The following FRK variants were observed in gnomAD, a reference collection of about 807,000 sequenced individuals.
FRK encodes the protein fyn related Src family tyrosine kinase, also known as tyrosine-protein kinase FRK.
FRK carries 51 observed loss-of-function variants against 56.4 expected under a neutral mutation model. The ratio of observed to expected loss-of-function variants is 0.90; its 90% CI spans 0.72 to 1.14. The LOEUF (loss-of-function observed/expected upper bound fraction) is 1.14, where lower values mean the gene tolerates loss of function less well. FRK is among the 50% of genes most tolerant of loss of function. The pLI, the probability that FRK is intolerant of heterozygous loss-of-function variation, is 0.00. For missense variants in FRK, 570 were observed against 601.4 expected, an observed-to-expected ratio of 0.95 and a Z score of 0.55; for synonymous variants, 245 against 217.9, an observed-to-expected ratio of 1.12 and a Z score of -1.10.
intron 1 of FRK, among the ~76,000 whole-genome samples, chr6:116,050,454 C>T (rs928751697): frequency 3.3e-5 from 5 of 152,052 alleles, no homozygotes; most frequent in Admixed American, 1.3e-4. Flanking sequence ...TAACAATATC[C>T]AAAACAGAGC....
chr6:115,994,031 T>A (rs1774725652), intron 2 of FRK, among the ~76,000 whole-genome samples: 1 of 152,062 alleles, frequency 6.6e-6, no homozygotes, highest in Admixed American at 6.6e-5. Flanking sequence ...TGTCATCTCT[T>A]ATAGTATTCT....
At chr6:116,054,256 AAAAT>A (rs1045702126) in intron 1 of FRK, among the ~76,000 whole-genome samples, 1 of 150,510 alleles carries the variant, frequency 6.6e-6, no homozygotes, top group Non-Finnish European at 1.5e-5. Context: ...CATATGGTGA[AAAAT>A]AAAGGATGGG....
intron 2 of FRK, among the ~76,000 whole-genome samples, chr6:115,991,282 C>T (rs1032975140): frequency 2.6e-5 from 4 of 151,802 alleles, no homozygotes; most frequent in African/African-American, 7.2e-5. Flanking sequence ...TGTCTGATTG[C>T]TCTGGCTACA....
chr6:116,064,278 T>A (rs1057415481), upstream of FRK, among the ~76,000 whole-genome samples: 5 of 152,192 alleles, frequency 3.3e-5, no homozygotes, highest in Admixed American at 6.5e-5. Flanking sequence ...TATGCACCCC[T>A]AAATTCTGGC....
chr6:115,944,564 T>A, intron 5 of FRK, 139 bp from the exon 6 acceptor site: 1 of 578,452 alleles, frequency 1.7e-6, no homozygotes, highest in Non-Finnish European at 2.9e-6. Context: ...AATATATATA[T>A]TTATCATTAA....
chr6:116,016,541 A>T (rs1775661132), intron 1 of FRK, among the ~76,000 whole-genome samples: 1 of 152,084 alleles, frequency 6.6e-6, no homozygotes, highest in African/African-American at 2.4e-5. Context: ...GAATGAGTGG[A>T]TGGATGTGTG....
chr6:115,969,766 A>T (rs1041331845), intron 2 of FRK, among the ~76,000 whole-genome samples: 6 of 152,162 alleles, frequency 3.9e-5, no homozygotes, highest in African/African-American at 1.4e-4. Context: ...CTGAGAAGAG[A>T]AGCAGCCCAG....
chr6:116,072,735 G>A, the FRK span, among the ~76,000 whole-genome samples: 1 of 152,088 alleles, frequency 6.6e-6, no homozygotes, highest in Non-Finnish European at 1.5e-5. Context: ...AATAACCTTT[G>A]TTGTTTTAGG....
the FRK span, among the ~76,000 whole-genome samples, chr6:116,091,450 C>T: frequency 6.6e-6 from 1 of 152,142 alleles, no homozygotes; most frequent in Admixed American, 6.5e-5. Context: ...TCTGCTCGCT[C>T]TTTGGGTCTG....
intron 1 of FRK, among the ~76,000 whole-genome samples, chr6:116,048,741 A>G (rs1777076715): frequency 6.6e-6 from 1 of 152,062 alleles, no homozygotes; most frequent in Admixed American, 6.6e-5. Context: ...TCTACATCTA[A>G]TTTGTAGTTT....
chr6:116,094,953 G>C, the FRK span, among the ~76,000 whole-genome samples: 3 of 152,248 alleles, frequency 2.0e-5, no homozygotes, highest in Non-Finnish European at 2.9e-5. Flanking sequence ...TCCTTTAAAA[G>C]CCAGGGTAAA....
the FRK span, among the ~76,000 whole-genome samples, chr6:116,092,239 A>T: frequency 6.6e-6 from 1 of 152,208 alleles, no homozygotes; most frequent in Non-Finnish European, 1.5e-5. Context: ...TAGAAGGCCT[A>T]ACAAAAGCTA....
intron 2 of FRK, among the ~76,000 whole-genome samples, chr6:115,976,468 C>T (rs1399974291): frequency 6.6e-6 from 1 of 152,114 alleles, no homozygotes; most frequent in African/African-American, 2.4e-5. Flanking sequence ...CAAGTCGGCT[C>T]AGTGAAAAAC....
intron 4 of FRK, among the ~76,000 whole-genome samples, chr6:115,957,855 A>G (rs956996194): frequency 6.6e-6 from 1 of 152,238 alleles, no homozygotes; most frequent in African/African-American, 2.4e-5. Flanking sequence ...TCTGTAAAAC[A>G]TGCCTAATAA....
In FRK at chr6:116,060,418, A is replaced by C; in HGVS notation, c.-107T>G. On this transcript the variant is annotated 5_prime_UTR_variant, in exon 1 of 8. Transcript: ENST00000606080. The stretch of plus-strand genomic sequence containing the variant: ...GCAACTTTGAAGTCAGCACCAACTC[A>C]CCATACTTCGGAGAGTATGCAAAGT... 9.7e-6 allele frequency: 8 copies of C among 824,744 alleles called. No individual in the cohort carries two copies. Among genetic ancestry groups the C allele is most frequent in the Non-Finnish European group, 1.5e-5 (8 of 519,990 alleles). The allele number at this position is 824,744 out of a possible 1,614,324, so 51.1% of individuals were successfully genotyped here.
At chr6:115,971,433 A>T (rs1773801393) in intron 2 of FRK, among the ~76,000 whole-genome samples, 1 of 152,162 alleles carries the variant, frequency 6.6e-6, no homozygotes, top group Admixed American at 6.5e-5. Flanking sequence ...AAAAATCAAG[A>T]CTTTAGGTGT....
rs145026476 is a variant in FRK, at chr6:115,991,210, C to T, written c.466+12667G>A. Among the ~76,000 whole-genome samples the T allele has an allele frequency of 2.9e-3, 443 of 151,876 alleles. 2 individuals carry two copies. Among genetic ancestry groups the T allele is most frequent in the African/African-American group, 9.8e-3 (405 of 41,506 alleles). ...TTTTCTAGGTGTAAGATCACGTCAT[C>T]GGTGAAGACAGACAATTTGAAATCC... On this transcript the variant is annotated intron_variant, in intron 2 of 7. Coordinates refer to ENST00000606080, the MANE Select transcript of FRK (RefSeq NM_002031.3).
intron 4 of FRK, among the ~76,000 whole-genome samples, chr6:115,966,420 ATAT>A (rs1773578059): frequency 6.6e-6 from 1 of 152,208 alleles, no homozygotes; most frequent in Non-Finnish European, 1.5e-5. Flanking sequence ...AGCTTGTACA[ATAT>A]TCAGGATGTT....
chr6:115,972,534 C>A (rs1330698374), intron 2 of FRK, among the ~76,000 whole-genome samples: 1 of 152,160 alleles, frequency 6.6e-6, no homozygotes, highest in Admixed American at 6.5e-5. Context: ...TCTTCAAAAG[C>A]AAAATGCCAT....
Sources: gnomAD v4.1 joint callset for allele counts (sites outside exome capture counted in the v4.1 genomes callset) on GRCh38, gnomAD v4.1.1 for gene constraint, MANE v1.5 for transcripts, NCBI Gene and HGNC (gene_info 2026-07-23, HGNC 2026-07-21) for gene names.